QSOX1: variants seen among roughly 807,000 people sequenced by gnomAD.
The protein encoded by QSOX1 is quiescin sulfhydryl oxidase 1, also known as sulfhydryl oxidase 1.
A neutral mutation model predicts 76.1 loss-of-function variants in QSOX1; 40 were observed. The observed-to-expected ratio is 0.53, with a 90% confidence interval of 0.41 to 0.68. The LOEUF (loss-of-function observed/expected upper bound fraction) is 0.68, where lower values mean the gene tolerates loss of function less well. QSOX1 is among the 30% of genes least tolerant of loss of function. QSOX1 has a pLI of 0.00. For missense variants in QSOX1, 931 were observed against 974.3 expected, an observed-to-expected ratio of 0.96 and a Z score of 0.59; for synonymous variants, 392 against 413.1, an observed-to-expected ratio of 0.95 and a Z score of 0.62.
intron 8 of QSOX1, among the ~76,000 whole-genome samples, chr1:180,188,418 T>C (rs1301295002): frequency 2.6e-5 from 4 of 152,250 alleles, no homozygotes; most frequent in Admixed American, 2.0e-4. Flanking sequence ...CCAGAGCTCC[T>C]TAATTCATCC....
Position 180,182,281 on chromosome 1 carries a change from C to T in QSOX1, c.714C>T (p.Tyr238=), listed in dbSNP as rs745402156. The T allele has an allele frequency of 6.2e-7, 1 of 1,614,272 alleles. No individual in the cohort carries two copies. Among genetic ancestry groups the T allele is most frequent in the African/African-American group, 1.3e-5 (1 of 75,074 alleles). The change falls in exon 6 of 12, where the codon TAC becomes TAT. Residue 238 remains tyrosine (Y), a synonymous_variant. Transcript: ENST00000367602. Reference sequence around the variant, plus strand: ...GTGTCACCGACTTCCCCTCTTGCTACCTGCTGTTCCGGAATGGCTCTGTCT... The same window carrying T: ...GTGTCACCGACTTCCCCTCTTGCTATCTGCTGTTCCGGAATGGCTCTGTCT... ...KFGVTDFPSC[Y]LLFRNGSVSR... is the part of the protein sequence containing the mutation.
chr1:180,191,665 CA>C (rs1572054388), intron 10 of QSOX1, among the ~76,000 whole-genome samples: 1 of 152,196 alleles, frequency 6.6e-6, no homozygotes, highest in Admixed American at 6.5e-5. Context: ...CTGAGGAAGA[CA>C]AAGCAAAGCA....
chr1:180,194,883 C>T (rs1037638551), intron 11 of QSOX1, among the ~76,000 whole-genome samples: 2 of 152,116 alleles, frequency 1.3e-5, no homozygotes, highest in African/African-American at 4.8e-5. Flanking sequence ...TCTGATGGCT[C>T]TAACAGGCAA....
Position 180,197,426 on chromosome 1 carries a change from C to G in QSOX1, c.*389C>G. 2 of 1,592,096 alleles carry G rather than the reference C, an allele frequency of 1.3e-6. No individual in the cohort carries two copies. Among genetic ancestry groups the G allele is most frequent in the East Asian group, 4.5e-5 (2 of 44,742 alleles). ...GGGGCAAGTGAAGCCAGAGGAGGGTCCCCCAGCTGGGTGGGCTGGAATGGA... is the reference window on the plus strand; with the variant it reads ...GGGGCAAGTGAAGCCAGAGGAGGGTGCCCCAGCTGGGTGGGCTGGAATGGA... On this transcript the variant is annotated 3_prime_UTR_variant, in exon 12 of 12. Transcript: ENST00000367602.
intron 10 of QSOX1, among the ~76,000 whole-genome samples, chr1:180,191,346 G>T (rs1386859385): frequency 6.6e-6 from 1 of 152,226 alleles, no homozygotes; most frequent in Non-Finnish European, 1.5e-5. Context: ...GAGAGGGCAG[G>T]CTCGACGCCA....
intron 6 of QSOX1, among the ~76,000 whole-genome samples, chr1:180,183,374 A>AC (rs5779047): frequency 0.76 from 115,697 of 152,114 alleles, 44,245 homozygotes; most frequent in Non-Finnish European, 0.78. Flanking sequence ...AAAGAAAGAA[A>AC]CCAAAAAGAC....
chr1:180,187,506 C>G (rs1002499567), intron 8 of QSOX1, among the ~76,000 whole-genome samples: 10 of 152,268 alleles, frequency 6.6e-5, no homozygotes, highest in African/African-American at 2.4e-4. Flanking sequence ...GTCCAGTACT[C>G]TCCAAAGGAG....
At position 180,194,345 on chromosome 1, in the gene QSOX1, T is replaced by C. The variant is rs758535637; in HGVS notation, c.1421T>C (p.Val474Ala). 3.1e-6 allele frequency: 5 copies of C among 1,599,442 alleles called. No homozygotes were observed. The East Asian group carries it at 9.0e-5, about 29-fold the overall frequency. Residue 474 changes from valine to alanine, a missense_variant, in exon 11 of 12, where the codon GTC becomes GCC. Physicochemically the swap from Val to Ala is moderately conservative, Grantham distance 64. Transcript: ENST00000367602. Reference protein sequence around the residue: ...MHRVGSPNAAVLWLWSSHNRV... With the variant: ...MHRVGSPNAAALWLWSSHNRV... ...CGGGTGGGGAGTCCCAACGCCGCTG[T>C]CCTCTGGCTCTGGTCTAGCCACAAC...
At position 180,194,265 on chromosome 1, in the gene QSOX1, C is replaced by T. The variant is rs142755170; in HGVS notation, c.1341C>T (p.Phe447=). The part of the protein sequence containing the change: ...PAIRGYVHYF[F]GCRDCASHFE... Reference sequence around the variant, plus strand: ...TCCGAGGCTACGTGCACTACTTCTTCGGCTGCCGAGACTGCGCTAGCCACT... The same window carrying T: ...TCCGAGGCTACGTGCACTACTTCTTTGGCTGCCGAGACTGCGCTAGCCACT... The change falls in exon 11 of 12, where the codon TTC becomes TTT. Residue 447 remains phenylalanine (F), a synonymous_variant. Coordinates refer to ENST00000367602, the MANE Select transcript of QSOX1 (RefSeq NM_002826.5). 5.3e-5 allele frequency: 85 copies of T among 1,612,996 alleles called. No individual in the cohort carries two copies. The East Asian group carries it at 8.2e-4, about 16-fold the overall frequency.
rs531686552 is a variant in QSOX1, at chr1:180,190,827, C to T, written c.1288+247C>T. The stretch of plus-strand genomic sequence containing the variant: ...ATTCAACCAGTCCTGTTTTCGGCCC[C>T]GGGAGCTCTGGGGCTGAGGCTTCTC... On this transcript the variant is annotated intron_variant, in intron 10 of 11. Coordinates refer to ENST00000367602, the MANE Select transcript of QSOX1 (RefSeq NM_002826.5). 4.6e-5 allele frequency among the ~76,000 whole-genome samples: 7 copies of T among 152,274 alleles called. No homozygotes were observed. In the East Asian group the frequency reaches 7.7e-4, roughly 17 times the overall value.
At chr1:180,185,920 G>C in intron 7 of QSOX1, 133 bp from the exon 8 acceptor site, 1 of 1,114,012 alleles carries the variant, frequency 9.0e-7, no homozygotes, top group African/African-American at 1.5e-5. Flanking sequence ...GCAGAAGCCA[G>C]TGGTAACTTA....
At chr1:180,169,780 C>A (rs1370565740) in intron 2 of QSOX1, among the ~76,000 whole-genome samples, 1 of 152,368 alleles carries the variant, frequency 6.6e-6, no homozygotes, top group South Asian at 2.1e-4. Flanking sequence ...CTCACCACTG[C>A]AGGCGTGGCC....
At chr1:180,179,294 G>A (rs1439419680) in intron 5 of QSOX1, among the ~76,000 whole-genome samples, 1 of 152,166 alleles carries the variant, frequency 6.6e-6, no homozygotes, top group Non-Finnish European at 1.5e-5. Flanking sequence ...CCACTCCATG[G>A]GACTGGAGTG....
rs777259253 is a variant in QSOX1 at position 180,175,347 on chromosome 1, C to G, written c.393C>G (p.Gly131=). 8 of 1,613,960 alleles carry G rather than the reference C, an allele frequency of 5.0e-6. No individual in the cohort carries two copies. The African/African-American group carries it at 8.0e-5, about 16-fold the overall frequency. The change falls in exon 3 of 12, where the codon GGC becomes GGG. Residue 131 remains glycine (G), a synonymous_variant. Transcript: ENST00000367602. ...TCTTCAAGGCCTTTACCAAGAACGG[C>G]TCGGGAGCAGTATTTCCAGGTGGGT... The part of the protein sequence containing the change: ...VRFFKAFTKN[G]SGAVFPVAGA...
At chr1:180,171,839 T>C (rs541927408) in intron 2 of QSOX1, among the ~76,000 whole-genome samples, 11 of 152,176 alleles carry the variant, frequency 7.2e-5, no homozygotes, top group South Asian at 2.1e-4. Flanking sequence ...GGTGGCAACG[T>C]GAAAGCAACA....
intron 6 of QSOX1, among the ~76,000 whole-genome samples, chr1:180,183,080 A>G (rs975921160): frequency 1.3e-5 from 2 of 152,082 alleles, no homozygotes; most frequent in African/African-American, 4.8e-5. Context: ...GCAGGCCCAG[A>G]AAGTGCCAGT....
chr1:180,189,496 G>A lies in QSOX1; in HGVS notation c.1018-56G>A, dbSNP rs923367038. On this transcript the variant is annotated intron_variant, in intron 8 of 11. Transcript: ENST00000367602. ...CATAGCTTCCTACCATCTGCAGGAC[G>A]GGGAACTTGGGGAATTGCTTTTCAC... The A allele has an allele frequency of 5.1e-5, 73 of 1,431,140 alleles. 1 individual carries two copies. The highest frequency in any genetic ancestry group is 3.3e-4 in the African/African-American group (22 of 66,344). 88.7% of individuals were successfully genotyped at this position (1,431,140 alleles called of 1,614,324 possible).
chr1:180,159,797 T>A (rs929384569), intron 1 of QSOX1, among the ~76,000 whole-genome samples: 2 of 152,166 alleles, frequency 1.3e-5, no homozygotes, highest in African/African-American at 4.8e-5. Context: ...CCATCTTGGT[T>A]TGGTCTCTTG....
chr1:180,203,312 C>T lies in QSOX1; in HGVS notation c.*6275C>T, dbSNP rs1322420331. 1 of 152,096 alleles carries T rather than the reference C, an allele frequency of 6.6e-6. No individual in the cohort carries two copies. The highest frequency in any genetic ancestry group is 2.4e-5 in the African/African-American group (1 of 41,416). The allele number at this position is 152,096 out of a possible 1,614,324, so 9.4% of individuals were successfully genotyped here. Reference sequence around the variant, plus strand: ...TGTCTAGAAAAAGTCTAGAAAAATACACACTGAACTGTGAATAGCAGTTAT... The same window carrying T: ...TGTCTAGAAAAAGTCTAGAAAAATATACACTGAACTGTGAATAGCAGTTAT... On this transcript the variant is annotated 3_prime_UTR_variant, in exon 12 of 12. Transcript: ENST00000367602.
Sources: allele counts gnomAD v4.1 joint callset (sites outside exome capture counted in the v4.1 genomes callset), GRCh38; gene constraint gnomAD v4.1.1; transcripts MANE v1.5; gene names NCBI Gene and HGNC (gene_info 2026-07-23, HGNC 2026-07-21).